Variants in FRMPD4 observed in about 807,000 individuals in gnomAD.
The protein encoded by FRMPD4 is FERM and PDZ domain containing 4.
A neutral mutation model predicts 94.1 loss-of-function variants in FRMPD4; 22 were observed. That is an observed-to-expected ratio of 0.23 (90% CI 0.17 to 0.33). The LOEUF is 0.33. Ranked by LOEUF, FRMPD4 falls within the 10% of genes least tolerant of loss-of-function variation. The probability of loss-of-function intolerance (pLI) is 1.00; values close to 1 mark genes in which losing one functional copy is unlikely to be tolerated. For synonymous variants in FRMPD4, 631 were observed against 548.6 expected, an observed-to-expected ratio of 1.15 and a Z score of -2.10; for missense variants, 1,111 against 1,339.9, an observed-to-expected ratio of 0.83 and a Z score of 2.67.
At chrX:12,241,961 G>GAGC (rs1445083837) in intron 1 of FRMPD4, among the ~76,000 whole-genome samples, 6 of 107,169 alleles carry the variant, frequency 5.6e-5, no homozygotes, top group Non-Finnish European at 1.2e-4. Flanking sequence ...GGAGGAGGAG[G>GAGC]AGGAGGAGGA....
At chrX:12,158,965 G>A (rs1190849578) in intron 1 of FRMPD4, among the ~76,000 whole-genome samples, 2 of 112,061 alleles carry the variant, frequency 1.8e-5, no homozygotes, top group Non-Finnish European at 3.8e-5. Context: ...GGAAGTACAC[G>A]CCTTCTTGAA....
rs1024717057 is a variant in FRMPD4 at position 12,692,819 on chromosome X, G to C, written c.814-1516G>C. ...GATTCCTGACTTTCTAACACACCAG[G>C]ACAAACCTTCTGGCAAAATAGCTCA... On this transcript the variant is annotated intron_variant, in intron 8 of 16. Transcript: ENST00000675598. Among the ~76,000 whole-genome samples the C allele has an allele frequency of 2.7e-5, 3 of 112,367 alleles. No individual in the cohort carries two copies. In the Admixed American group the frequency reaches 2.8e-4, roughly 11 times the overall value.
intron 1 of FRMPD4, among the ~76,000 whole-genome samples, chrX:11,858,216 G>T (rs906838778): frequency 6.3e-5 from 7 of 111,252 alleles, no homozygotes; most frequent in Non-Finnish European, 1.1e-4. Context: ...ATACCCAAAA[G>T]AATATAAATT....
At chrX:12,094,033 T>G (rs1171491679) in intron 3 of FRMPD4, among the ~76,000 whole-genome samples, 1 of 112,553 alleles carries the variant, frequency 8.9e-6, no homozygotes, top group Non-Finnish European at 1.9e-5. Context: ...AGACTAATTC[T>G]TTGGCTTTCC....
intron 3 of FRMPD4, among the ~76,000 whole-genome samples, chrX:12,095,963 C>T (rs771737520): frequency 8.9e-6 from 1 of 111,956 alleles, no homozygotes; most frequent in Non-Finnish European, 1.9e-5. Context: ...ATCTCAGGAT[C>T]TCTGCCTTTC....
chrX:12,393,952 A>G (rs1175331829), intron 1 of FRMPD4, among the ~76,000 whole-genome samples: 1 of 111,804 alleles, frequency 8.9e-6, no homozygotes, highest in African/African-American at 3.2e-5. Flanking sequence ...AAATCACCAT[A>G]TATGTGTGAT....
intron 1 of FRMPD4, among the ~76,000 whole-genome samples, chrX:12,156,739 G>C (rs775877105): frequency 1.2e-4 from 14 of 112,116 alleles, no homozygotes; most frequent in African/African-American, 4.5e-4. Context: ...AATTTTCTTG[G>C]TGTTTATGAG....
At chrX:11,824,291 G>A (rs1367165226) in intron 1 of FRMPD4, among the ~76,000 whole-genome samples, 1 of 111,530 alleles carries the variant, frequency 9.0e-6, no homozygotes, top group Admixed American at 9.5e-5. Context: ...GGGGACAGTT[G>A]GATATAGAAA....
rs991678836 is a variant in FRMPD4 at position 11,927,619 on chromosome X, G to A, written c.95+49601G>A. Among the ~76,000 whole-genome samples, 7 of 111,678 alleles carry A rather than the reference G, an allele frequency of 6.3e-5. No homozygotes were observed. The South Asian group carries it at 1.1e-3, about 18-fold the overall frequency. ...ACACACCTAAGGCTATCTGATCTTC[G>A]ACAAACCTGACAAAAACAAGCAATG... On this transcript the variant is annotated intron_variant, in intron 3 of 18. Transcript: ENST00000640291.
intron 3 of FRMPD4, among the ~76,000 whole-genome samples, chrX:12,038,872 T>G (rs962830281): frequency 1.8e-5 from 2 of 112,275 alleles, no homozygotes; most frequent in Non-Finnish European, 3.8e-5. Flanking sequence ...TTTTAGTGAT[T>G]TATTTTTTCT....
chrX:12,482,561 A>G (rs2057699197), intron 1 of FRMPD4, among the ~76,000 whole-genome samples: 2 of 112,175 alleles, frequency 1.8e-5, no homozygotes, highest in Non-Finnish European at 3.8e-5. Flanking sequence ...GGGGTTGTAA[A>G]GAAATCTGTG....
intron 1 of FRMPD4, among the ~76,000 whole-genome samples, chrX:12,328,222 A>G (rs958710411): frequency 8.9e-5 from 10 of 112,491 alleles, no homozygotes; most frequent in African/African-American, 3.2e-4. Flanking sequence ...CTAAAATGTT[A>G]CATGTACCAA....
chrX:11,884,799 A>G, intron 3 of FRMPD4, among the ~76,000 whole-genome samples: 1 of 111,818 alleles, frequency 8.9e-6, no homozygotes, highest in East Asian at 2.8e-4. Context: ...ACTGGCGTGA[A>G]TAAAGTAAAA....
intron 1 of FRMPD4, among the ~76,000 whole-genome samples, chrX:12,455,935 T>C (rs2057328576): frequency 9.0e-6 from 1 of 111,572 alleles, no homozygotes; most frequent in Admixed American, 9.5e-5. Flanking sequence ...GCTGGGATTA[T>C]AGGCATGCAC....
intron 2 of FRMPD4, among the ~76,000 whole-genome samples, chrX:12,519,338 T>A (rs1454691662): frequency 1.8e-5 from 2 of 112,474 alleles, no homozygotes; most frequent in Non-Finnish European, 3.8e-5. Context: ...GATAGTGGTA[T>A]AAAGACAGAC....
chrX:12,625,500 C>T (rs905121321), intron 4 of FRMPD4, among the ~76,000 whole-genome samples: 1 of 111,504 alleles, frequency 9.0e-6, no homozygotes, highest in Non-Finnish European at 1.9e-5. Context: ...ATGGATGAAA[C>T]TCCAGTTCAT....
At chrX:12,018,266 C>T (rs1294329468) in intron 3 of FRMPD4, among the ~76,000 whole-genome samples, 1 of 111,372 alleles carries the variant, frequency 9.0e-6, no homozygotes, top group Non-Finnish European at 1.9e-5. Flanking sequence ...TTTCTCTCAG[C>T]TTCTGTGTTT....
intron 3 of FRMPD4, among the ~76,000 whole-genome samples, chrX:12,069,836 A>G (rs1212523769): frequency 9.0e-6 from 1 of 111,351 alleles, no homozygotes; most frequent in Non-Finnish European, 1.9e-5. Flanking sequence ...TGCAAATGAG[A>G]TGACAAAGAT....
chrX:12,484,619 C>G (rs2057721017), intron 1 of FRMPD4, among the ~76,000 whole-genome samples: 1 of 111,657 alleles, frequency 9.0e-6, no homozygotes, highest in Non-Finnish European at 1.9e-5. Flanking sequence ...TCACTGTCCT[C>G]AATATAATGG....
Sources: allele counts gnomAD v4.1 joint callset (sites outside exome capture counted in the v4.1 genomes callset), GRCh38; gene constraint gnomAD v4.1.1; transcripts MANE v1.5; gene names NCBI Gene and HGNC (gene_info 2026-07-23, HGNC 2026-07-21).